The following DCC variants were observed in gnomAD, a reference collection of about 807,000 sequenced individuals.
The protein encoded by DCC is netrin receptor DCC.
Under a neutral mutation model 172.5 loss-of-function variants are expected in DCC, and 58 were observed. That is an observed-to-expected ratio of 0.34 (90% confidence interval 0.27 to 0.42). The LOEUF (loss-of-function observed/expected upper bound fraction) is 0.42. Among genes scored for constraint, DCC ranks in the 10% least tolerant of loss-of-function variants. The pLI, the probability that DCC is intolerant of heterozygous loss-of-function variation, is 1.00. For synonymous variants in DCC, 709 were observed against 644.5 expected, an observed-to-expected ratio of 1.10 and a Z score of -1.52; for missense variants, 1,740 against 1,791.0, an observed-to-expected ratio of 0.97 and a Z score of 0.51.
intron 23 of DCC, among the ~76,000 whole-genome samples, chr18:53,453,442 G>A (rs887745365): frequency 6.6e-6 from 1 of 151,786 alleles, no homozygotes; most frequent in Non-Finnish European, 1.5e-5. Flanking sequence ...CTCTTTTGGG[G>A]TTCTAGAGAA....
At chr18:52,780,110 T>C (rs956692867) in intron 2 of DCC, among the ~76,000 whole-genome samples, 12 of 152,316 alleles carry the variant, frequency 7.9e-5, no homozygotes, top group Admixed American at 2.0e-4. Context: ...AGGTTTTTCA[T>C]AGCTTTCTGC....
intron 26 of DCC, among the ~76,000 whole-genome samples, chr18:53,496,185 T>C (rs9953087): frequency 0.86 from 129,943 of 151,942 alleles, 55,710 homozygotes; most frequent in Non-Finnish European, 0.88. Context: ...CAGTTGGAGC[T>C]GACAGACACC....
intron 1 of DCC, among the ~76,000 whole-genome samples, chr18:52,398,856 T>A (rs914245270): frequency 1.3e-5 from 2 of 151,910 alleles, no homozygotes; most frequent in African/African-American, 2.4e-5. Context: ...CTAATTAGGT[T>A]CGGTGTATAC....
rs140593675 is a variant in DCC at position 53,529,038 on chromosome 18, TCACA to T, written c.4255-1483_4255-1480del. Among the ~76,000 whole-genome samples the T allele has an allele frequency of 7.5e-3, 489 of 65,110 alleles. 1 individual carries two copies. The highest frequency in any genetic ancestry group is 0.019 in the African/African-American group (322 of 17,076). The allele number at this position is 65,110 out of a possible 152,430, so 42.7% of individuals were successfully genotyped here. ...CTCTCTCTCTCTCTCTCTCTCTCTC[TCACA>T]CACACACACACACACACACACACAC... is the stretch of plus-strand genomic sequence containing the variant. On this transcript the variant is annotated intron_variant, in intron 28 of 28. Transcript: ENST00000442544.
At chr18:53,375,023 A>G (rs1464296851) in intron 15 of DCC, among the ~76,000 whole-genome samples, 4 of 152,214 alleles carry the variant, frequency 2.6e-5, no homozygotes, top group Admixed American at 2.6e-4. Context: ...AAAGTAGGAC[A>G]GACCTGGCTT....
At chr18:52,820,060 A>C (rs552198659) in intron 2 of DCC, among the ~76,000 whole-genome samples, 108 of 152,148 alleles carry the variant, frequency 7.1e-4, no homozygotes, top group Non-Finnish European at 1.2e-3. Context: ...CGTGGGAGTG[A>C]GCATGATTGT....
intron 12 of DCC, among the ~76,000 whole-genome samples, chr18:53,304,776 T>C (rs1040598489): frequency 6.6e-6 from 1 of 152,194 alleles, no homozygotes; most frequent in Non-Finnish European, 1.5e-5. Flanking sequence ...GTGCTTTTCA[T>C]TGCCTTGCTT....
chr18:53,072,545 G>A (rs1248736738), intron 7 of DCC, among the ~76,000 whole-genome samples: 1 of 152,164 alleles, frequency 6.6e-6, no homozygotes, highest in Non-Finnish European at 1.5e-5. Context: ...GTGGAACTGG[G>A]AATGCACCTA....
intron 1 of DCC, among the ~76,000 whole-genome samples, chr18:52,749,857 A>G (rs1460897540): frequency 6.6e-6 from 1 of 152,212 alleles, no homozygotes; most frequent in Non-Finnish European, 1.5e-5. Context: ...GCTTTCTAAT[A>G]TAGTTGCCTG....
chr18:53,059,531 A>G (rs2042464212), intron 5 of DCC, among the ~76,000 whole-genome samples: 2 of 152,116 alleles, frequency 1.3e-5, no homozygotes, highest in Non-Finnish European at 2.9e-5. Context: ...GACCTTTTTA[A>G]GACCCTCTCC....
At chr18:52,617,440 T>G (rs557174049) in intron 1 of DCC, among the ~76,000 whole-genome samples, 10 of 152,248 alleles carry the variant, frequency 6.6e-5, no homozygotes, top group East Asian at 1.9e-4. Flanking sequence ...AGAACTTCAA[T>G]GCACACACTA....
chr18:53,356,487 T>C (rs2057879327), intron 15 of DCC, among the ~76,000 whole-genome samples: 1 of 152,268 alleles, frequency 6.6e-6, no homozygotes, highest in Non-Finnish European at 1.5e-5. Context: ...ACCTTTTAGG[T>C]TTGCTTTTAG....
At chr18:53,014,965 G>C (rs2041788692) in intron 5 of DCC, among the ~76,000 whole-genome samples, 1 of 152,060 alleles carries the variant, frequency 6.6e-6, no homozygotes, top group Admixed American at 6.6e-5. Flanking sequence ...TTTAATATGT[G>C]TTCTTCCCCT....
intron 13 of DCC, among the ~76,000 whole-genome samples, chr18:53,311,320 G>A (rs1235001880): frequency 6.6e-6 from 1 of 151,810 alleles, no homozygotes; most frequent in African/African-American, 2.4e-5. Flanking sequence ...ACGAGGTTTC[G>A]CCATTTTGGC....
intron 12 of DCC, among the ~76,000 whole-genome samples, chr18:53,271,886 T>C (rs2056753566): frequency 6.6e-6 from 1 of 152,160 alleles, no homozygotes; most frequent in East Asian, 1.9e-4. Context: ...AACAGATCAC[T>C]GAATGTATTG....
At chr18:53,285,767 A>G (rs1008405004) in intron 12 of DCC, among the ~76,000 whole-genome samples, 2 of 152,236 alleles carry the variant, frequency 1.3e-5, no homozygotes, top group Non-Finnish European at 2.9e-5. Flanking sequence ...GAAAGCAGCC[A>G]GGGAGGAGAC....
At chr18:53,223,278 C>T (rs1284902197) in intron 12 of DCC, among the ~76,000 whole-genome samples, 1 of 152,114 alleles carries the variant, frequency 6.6e-6, no homozygotes, top group Non-Finnish European at 1.5e-5. Context: ...CAATTTATTG[C>T]AGTCACTGCC....
Position 52,830,599 on chromosome 18 carries a change from C to CT in DCC, c.413-75444dup. Among the ~76,000 whole-genome samples the CT allele has an allele frequency of 2.0e-5, 3 of 152,262 alleles. No individual in the cohort carries two copies. The South Asian group carries it at 6.2e-4, about 32-fold the overall frequency. On this transcript the variant is annotated intron_variant, in intron 2 of 28. Transcript: ENST00000442544. ...TAATAGACTAATACCTATTACTAGACTATCTGTAGCCTGATCTTCTACTCT... is the reference window on the plus strand; with the variant it reads ...TAATAGACTAATACCTATTACTAGACTTATCTGTAGCCTGATCTTCTACTCT...
chr18:52,883,990 A>G (rs953693567), intron 2 of DCC, among the ~76,000 whole-genome samples: 1 of 151,596 alleles, frequency 6.6e-6, no homozygotes, highest in African/African-American at 2.4e-5. Context: ...CTAGGGTAAA[A>G]GTTATTTTCC....
Sources: allele counts gnomAD v4.1 joint callset (sites outside exome capture counted in the v4.1 genomes callset), GRCh38; gene constraint gnomAD v4.1.1; transcripts MANE v1.5; gene names NCBI Gene and HGNC (gene_info 2026-07-23, HGNC 2026-07-21).